The following ERC1 variants were observed in gnomAD, a reference collection of about 807,000 sequenced individuals.
ERC1 encodes ELKS/RAB6-interacting/CAST family member 1.
A neutral mutation model predicts 132.0 loss-of-function variants in ERC1; 56 were observed. The observed-to-expected ratio is 0.42, with a 90% confidence interval of 0.34 to 0.53. The LOEUF is 0.53. Among genes scored for constraint, ERC1 ranks in the 20% least tolerant of loss-of-function variants. The pLI is 0.03. For missense variants in ERC1, 1,202 were observed against 1,349.9 expected, an observed-to-expected ratio of 0.89 and a Z score of 1.72; for synonymous variants, 478 against 476.1, an observed-to-expected ratio of 1.00 and a Z score of -0.05.
intron 14 of ERC1, among the ~76,000 whole-genome samples, chr12:1,283,199 C>T (rs537988199): frequency 3.7e-4 from 56 of 152,228 alleles, no homozygotes; most frequent in African/African-American, 1.3e-3. Context: ...TGTCAGGCCC[C>T]GTGCTTTCTG....
rs372647413 is a variant in ERC1 at position 1,122,565 on chromosome 12, ATCTGTG to A, written c.1569+6536_1569+6541del. Among the ~76,000 whole-genome samples, 62 of 83,738 alleles carry A rather than the reference ATCTGTG, an allele frequency of 7.4e-4. 1 individual carries two copies. The highest frequency in any genetic ancestry group is 1.6e-3 in the African/African-American group (24 of 14,882). 54.9% of individuals were successfully genotyped at this position (83,738 alleles called of 152,430 possible). Reference sequence around the variant, plus strand: ...TATCTGTGTCTCTATCTCTATCTCTATCTGTGTCTCTATCTCTATCTCTATCTCTAT... The same window carrying A: ...TATCTGTGTCTCTATCTCTATCTCTATCTCTATCTCTATCTCTATCTCTAT... On this transcript the variant is annotated intron_variant, in intron 7 of 18. Transcript: ENST00000360905.
At chr12:1,175,881 G>A (rs148970350) in intron 8 of ERC1, among the ~76,000 whole-genome samples, 9 of 152,210 alleles carry the variant, frequency 5.9e-5, no homozygotes, top group East Asian at 3.9e-4. Flanking sequence ...CAGTCACAGC[G>A]TCAGGCTCCA....
At chr12:1,043,167 C>G (rs1319579037) in intron 2 of ERC1, among the ~76,000 whole-genome samples, 2 of 151,814 alleles carry the variant, frequency 1.3e-5, no homozygotes, top group African/African-American at 2.4e-5. Flanking sequence ...CCTCAGTCTC[C>G]CAAGTAGCAG....
At chr12:1,175,962 A>T (rs888402971) in intron 8 of ERC1, among the ~76,000 whole-genome samples, 2 of 152,180 alleles carry the variant, frequency 1.3e-5, no homozygotes, top group African/African-American at 4.8e-5. Context: ...TGAGCCTGTC[A>T]AAGTTATCCG....
At chr12:1,449,803 A>G (rs2093384159) in intron 18 of ERC1, among the ~76,000 whole-genome samples, 1 of 152,002 alleles carries the variant, frequency 6.6e-6, no homozygotes. Flanking sequence ...AGTTAAACCT[A>G]TCATCTTTAT....
intron 16 of ERC1, among the ~76,000 whole-genome samples, chr12:1,396,324 A>C (rs1357787032): frequency 4.6e-5 from 7 of 152,222 alleles, no homozygotes; most frequent in Admixed American, 2.6e-4. Flanking sequence ...TTGCCAAAAA[A>C]TATATGTCGT....
At chr12:1,324,000 C>T (rs1276962557) in intron 15 of ERC1, among the ~76,000 whole-genome samples, 1 of 152,140 alleles carries the variant, frequency 6.6e-6, no homozygotes, top group Non-Finnish European at 1.5e-5. Context: ...ATTAGCAGTA[C>T]ATCAAAGATT....
intron 12 of ERC1, among the ~76,000 whole-genome samples, chr12:1,216,455 G>A (rs553215931): frequency 6.6e-6 from 1 of 152,152 alleles, no homozygotes; most frequent in South Asian, 2.1e-4. Context: ...AATTAAATTA[G>A]TTTTTAAGCT....
chr12:1,385,348 T>G (rs1180466192), intron 16 of ERC1, among the ~76,000 whole-genome samples: 2 of 152,160 alleles, frequency 1.3e-5, no homozygotes, highest in Non-Finnish European at 2.9e-5. Flanking sequence ...AGTGGTGTGA[T>G]CACGGCTCAC....
At chr12:1,296,708 A>G (rs980962046) in intron 15 of ERC1, among the ~76,000 whole-genome samples, 1 of 152,160 alleles carries the variant, frequency 6.6e-6, no homozygotes, top group Non-Finnish European at 1.5e-5. Context: ...CCTATTGGAT[A>G]GTCTTAATGG....
At chr12:1,201,553 C>T (rs903321115) in intron 12 of ERC1, among the ~76,000 whole-genome samples, 2 of 152,248 alleles carry the variant, frequency 1.3e-5, no homozygotes, top group African/African-American at 4.8e-5. Context: ...TGACCAAAAA[C>T]GGTTTCTTTT....
At chr12:1,479,843 C>T (rs2094051246) in intron 18 of ERC1, among the ~76,000 whole-genome samples, 1 of 152,102 alleles carries the variant, frequency 6.6e-6, no homozygotes, top group Non-Finnish European at 1.5e-5. Context: ...TCCAGACTCC[C>T]CGGGTGCCCA....
chr12:1,410,503 T>C, intron 17 of ERC1: 1 of 885,364 alleles, frequency 1.1e-6, no homozygotes, highest in Non-Finnish European at 1.6e-6. Flanking sequence ...TTTGTTTTCA[T>C]TTTTCTTTTT....
At chr12:1,392,048 A>G (rs2090014015) in intron 16 of ERC1, among the ~76,000 whole-genome samples, 1 of 152,238 alleles carries the variant, frequency 6.6e-6, no homozygotes, top group Non-Finnish European at 1.5e-5. Flanking sequence ...TCTTAAAGAC[A>G]GTAAGGCAGA....
At chr12:1,122,477 C>CTATTGATATA in intron 7 of ERC1, among the ~76,000 whole-genome samples, 1 of 51,914 alleles carries the variant, frequency 1.9e-5, no homozygotes, top group South Asian at 5.6e-4. Flanking sequence ...CTATCTGTGT[C>CTATTGATATA]TCTATCTCTA....
Position 1,490,092 on chromosome 12 carries a change from G to A in ERC1, c.3214-1G>A. The A allele has an allele frequency of 1.9e-6, 3 of 1,613,408 alleles. No individual in the cohort carries two copies. The highest frequency in any genetic ancestry group is 2.5e-6 in the Non-Finnish European group (3 of 1,179,376). On this transcript the variant is annotated splice_acceptor_variant, in intron 18 of 18. Coordinates refer to ENST00000360905, the MANE Select transcript of ERC1 (RefSeq NM_178040.4). LOFTEE classifies it high-confidence loss of function. Reference sequence around the variant, plus strand: ...AAATCCATCTCTCCTTTCCCTTTCAGCTTCAGGATGAGTTAGAGAAAGGTG... The same window carrying A: ...AAATCCATCTCTCCTTTCCCTTTCAACTTCAGGATGAGTTAGAGAAAGGTG...
chr12:1,061,802 T>G (rs1937985023), intron 2 of ERC1, among the ~76,000 whole-genome samples: 2 of 152,056 alleles, frequency 1.3e-5, no homozygotes, highest in Non-Finnish European at 2.9e-5. Context: ...TCTTTATTTC[T>G]TACACTAATT....
At chr12:1,405,596 G>A (rs536528977) in intron 16 of ERC1, among the ~76,000 whole-genome samples, 24 of 152,210 alleles carry the variant, frequency 1.6e-4, no homozygotes, top group African/African-American at 4.1e-4. Flanking sequence ...CCAGCTACTC[G>A]GGAGGCTGAG....
At chr12:1,426,035 G>T (rs1470140256) in intron 17 of ERC1, among the ~76,000 whole-genome samples, 1 of 152,042 alleles carries the variant, frequency 6.6e-6, no homozygotes, top group African/African-American at 2.4e-5. Context: ...CTAACCTGTA[G>T]GTAGCCACCA....
Sources: allele counts gnomAD v4.1 joint callset (sites outside exome capture counted in the v4.1 genomes callset), GRCh38; gene constraint gnomAD v4.1.1; transcripts MANE v1.5; gene names NCBI Gene and HGNC (gene_info 2026-07-23, HGNC 2026-07-21).